Variants in AHCYL2 observed in about 807,000 individuals in gnomAD.
AHCYL2 encodes S-adenosylhomocysteine hydrolase-like protein 2.
AHCYL2 carries 28 observed loss-of-function variants against 81.4 expected under a neutral mutation model. That is an observed-to-expected ratio of 0.34 (90% CI 0.25 to 0.47). The LOEUF (loss-of-function observed/expected upper bound fraction) is 0.47. Ranked by LOEUF, AHCYL2 falls within the 20% of genes least tolerant of loss-of-function variation. AHCYL2 has a pLI of 1.00. For synonymous variants in AHCYL2, 272 were observed against 290.2 expected (o/e 0.94, Z 0.64); for missense variants, 551 against 785.1 (o/e 0.70, Z 3.56).
chr7:129,294,656 T>C lies in AHCYL2; in HGVS notation c.363+69217T>C, dbSNP rs557210585. 7.9e-5 allele frequency among the ~76,000 whole-genome samples: 12 copies of C among 152,300 alleles called. 1 individual carries two copies. The highest frequency in any genetic ancestry group is 2.9e-4 in the African/African-American group (12 of 41,574). Reference sequence around the variant, plus strand: ...TTAATCTATATCCACCACAACACTGTAGCTGTTCATCTGAACAGGATATCT... The same window carrying C: ...TTAATCTATATCCACCACAACACTGCAGCTGTTCATCTGAACAGGATATCT... On this transcript the variant is annotated intron_variant, in intron 1 of 16. Transcript: ENST00000325006.
At chr7:129,268,646 C>T (rs2150725395) in intron 1 of AHCYL2, among the ~76,000 whole-genome samples, 1 of 152,336 alleles carries the variant, frequency 6.6e-6, no homozygotes, top group African/African-American at 2.4e-5. Flanking sequence ...GCCACTGCAC[C>T]TGGCCGCTTG....
rs1423155010 is a variant in AHCYL2 at position 129,428,603 on chromosome 7, A to G, written c.*1558A>G. ...AAAGTCTCAAGACCAAGGTGACTCA[A>G]GATAACACCAGACCACGCATGATCA... On this transcript the variant is annotated 3_prime_UTR_variant, in exon 17 of 17. Coordinates refer to ENST00000325006, the MANE Select transcript of AHCYL2 (RefSeq NM_015328.4). 1.3e-5 allele frequency: 2 copies of G among 152,222 alleles called. No homozygotes were observed. The highest frequency in any genetic ancestry group is 4.8e-5 in the African/African-American group (2 of 41,438). 9.4% of individuals were successfully genotyped at this position (152,222 alleles called of 1,614,324 possible).
intron 1 of AHCYL2, among the ~76,000 whole-genome samples, chr7:129,299,434 C>A (rs1414690285): frequency 5.2e-5 from 6 of 116,134 alleles, no homozygotes; most frequent in African/African-American, 1.9e-4. Flanking sequence ...CGCTCTGTCC[C>A]CCAGGCTGGA....
At chr7:129,355,256 C>T (rs1190916522) in intron 1 of AHCYL2, among the ~76,000 whole-genome samples, 1 of 151,558 alleles carries the variant, frequency 6.6e-6, no homozygotes, top group Non-Finnish European at 1.5e-5. Context: ...GTAAAATTGT[C>T]CCCAGGTGTC....
intron 1 of AHCYL2, among the ~76,000 whole-genome samples, chr7:129,286,080 A>G (rs1275711393): frequency 6.6e-6 from 1 of 152,164 alleles, no homozygotes; most frequent in Non-Finnish European, 1.5e-5. Flanking sequence ...TTTTAGTTAT[A>G]TCAAACCAAC....
At chr7:129,364,040 C>A (rs1476518303) in intron 1 of AHCYL2, among the ~76,000 whole-genome samples, 1 of 151,758 alleles carries the variant, frequency 6.6e-6, no homozygotes, top group Non-Finnish European at 1.5e-5. Flanking sequence ...GAGTTCAAGA[C>A]AAGCCTGAGC....
chr7:129,288,468 C>G (rs1437629537), intron 1 of AHCYL2, among the ~76,000 whole-genome samples: 1 of 152,112 alleles, frequency 6.6e-6, no homozygotes, highest in African/African-American at 2.4e-5. Context: ...TCAAGCGATT[C>G]TCCTCCTCAG....
chr7:129,400,626 T>C (rs1189787162), intron 6 of AHCYL2, among the ~76,000 whole-genome samples: 1 of 152,150 alleles, frequency 6.6e-6, no homozygotes, highest in African/African-American at 2.4e-5. Context: ...TTATATTCAT[T>C]AGAAACATTA....
chr7:129,376,947 T>G (rs569599234), intron 1 of AHCYL2, among the ~76,000 whole-genome samples: 1 of 152,246 alleles, frequency 6.6e-6, no homozygotes, highest in African/African-American at 2.4e-5. Context: ...TTCCCTCTTC[T>G]TCCCAGCTCT....
intron 2 of AHCYL2, among the ~76,000 whole-genome samples, chr7:129,381,450 C>T (rs1794951155): frequency 6.6e-6 from 1 of 152,278 alleles, no homozygotes; most frequent in Middle Eastern, 3.4e-3. Flanking sequence ...TCCTGGTAAA[C>T]TTGGACCTTT....
chr7:129,292,940 G>A (rs1796919795), intron 1 of AHCYL2, among the ~76,000 whole-genome samples: 1 of 152,094 alleles, frequency 6.6e-6, no homozygotes, highest in Admixed American at 6.5e-5. Context: ...GATAGTAAGA[G>A]GAGTAAAGAA....
At chr7:129,330,485 T>G (rs1798379134) in intron 1 of AHCYL2, among the ~76,000 whole-genome samples, 1 of 151,666 alleles carries the variant, frequency 6.6e-6, no homozygotes, top group Non-Finnish European at 1.5e-5. Context: ...TTTTTTTTTT[T>G]TTTGAGACGG....
At chr7:129,370,714 A>G (rs917460084) in intron 1 of AHCYL2, among the ~76,000 whole-genome samples, 2 of 152,156 alleles carry the variant, frequency 1.3e-5, no homozygotes, top group Non-Finnish European at 2.9e-5. Flanking sequence ...AACAAACAAA[A>G]TAATAATTTA....
chr7:129,234,314 G>A (rs540950612), intron 1 of AHCYL2, among the ~76,000 whole-genome samples: 4 of 151,868 alleles, frequency 2.6e-5, no homozygotes, highest in African/African-American at 9.7e-5. Flanking sequence ...GCACTATCTC[G>A]GCTCACTGCA....
intron 1 of AHCYL2, among the ~76,000 whole-genome samples, chr7:129,239,394 G>A (rs1794762169): frequency 1.3e-5 from 2 of 151,958 alleles, no homozygotes; most frequent in Non-Finnish European, 2.9e-5. Flanking sequence ...TGTTGGCTTA[G>A]CAATTAGTCT....
chr7:129,376,721 C>T (rs1043196215), intron 1 of AHCYL2, among the ~76,000 whole-genome samples: 11 of 152,268 alleles, frequency 7.2e-5, no homozygotes, highest in South Asian at 4.1e-4. Context: ...TGTACATGTA[C>T]GCAGGTGTGT....
At chr7:129,421,595 A>T (rs557148669) in intron 12 of AHCYL2, among the ~76,000 whole-genome samples, 6 of 152,370 alleles carry the variant, frequency 3.9e-5, no homozygotes, top group Admixed American at 3.9e-4. Context: ...GAACCAATTT[A>T]TGAAACTTGA....
At chr7:129,341,329 G>T (rs554633642) in intron 1 of AHCYL2, among the ~76,000 whole-genome samples, 2 of 152,324 alleles carry the variant, frequency 1.3e-5, no homozygotes, top group East Asian at 3.9e-4. Context: ...AGGTTTGTTT[G>T]TGTTGACTCT....
chr7:129,267,343 C>G (rs1795849846), intron 1 of AHCYL2, among the ~76,000 whole-genome samples: 1 of 151,498 alleles, frequency 6.6e-6, no homozygotes, highest in Non-Finnish European at 1.5e-5. Context: ...TCACTCTTGT[C>G]GCCCAGGCTG....
Sources: gnomAD v4.1 joint callset for allele counts (sites outside exome capture counted in the v4.1 genomes callset) on GRCh38, gnomAD v4.1.1 for gene constraint, MANE v1.5 for transcripts, NCBI Gene and HGNC (gene_info 2026-07-23, HGNC 2026-07-21) for gene names.